PLEKHG4B: variants seen among roughly 807,000 people sequenced by gnomAD.
The protein encoded by PLEKHG4B is pleckstrin homology and RhoGEF domain containing G4B.
In PLEKHG4B, 111 loss-of-function variants were observed where a neutral mutation model predicts 121.3. That is an observed-to-expected ratio of 0.92 (90% CI 0.78 to 1.07). PLEKHG4B has a LOEUF of 1.07. Among genes scored for constraint, PLEKHG4B ranks in the 50% least tolerant of loss-of-function variants. The pLI is 0.00. For missense variants in PLEKHG4B, 1,831 were observed against 1,757.8 expected (o/e 1.04, Z -0.74); for synonymous variants, 738 against 725.0 (o/e 1.02, Z -0.29).
intron 1 of PLEKHG4B, among the ~76,000 whole-genome samples, chr5:111,304 GCCT>G (rs1734150371): frequency 1.3e-5 from 2 of 152,234 alleles, no homozygotes; most frequent in African/African-American, 4.8e-5. Flanking sequence ...GGCAGCTCTG[GCCT>G]GGCCCAGGCC....
In PLEKHG4B at chr5:133,941, C is replaced by CACACACACACACATAT. The variant is rs34900477; in HGVS notation, c.244-5541_244-5540insCACACACACACATATA. Among the ~76,000 whole-genome samples the CACACACACACACATAT allele has an allele frequency of 1.1e-3, 165 of 146,344 alleles. 2 individuals are homozygous for CACACACACACACATAT. The highest frequency in any genetic ancestry group is 3.8e-3 in the African/African-American group (149 of 39,168). ...ACACACGCACACACACACACACACA[C>CACACACACACACATAT]ATATATATATGGTGGAATATATATA... On this transcript the variant is annotated intron_variant, in intron 2 of 19. Transcript: ENST00000637938.
chr5:177,331 G>A (rs1318486461), intron 18 of PLEKHG4B, among the ~76,000 whole-genome samples: 1 of 152,156 alleles, frequency 6.6e-6, no homozygotes, highest in Non-Finnish European at 1.5e-5. Flanking sequence ...TCTATTCACA[G>A]TCAGTTCAGT....
At chr5:165,931 C>T (rs1222774024) in intron 13 of PLEKHG4B, among the ~76,000 whole-genome samples, 1 of 16,138 alleles carries the variant, frequency 6.2e-5, no homozygotes, top group African/African-American at 2.1e-4. Context: ...CGGGGCGGGG[C>T]TCACAGTAAT....
intron 18 of PLEKHG4B, among the ~76,000 whole-genome samples, chr5:176,910 C>T (rs952336472): frequency 1.3e-5 from 2 of 152,236 alleles, no homozygotes; most frequent in Non-Finnish European, 2.9e-5. Flanking sequence ...GCTGACCAAC[C>T]TCTGCAGGTA....
At position 121,004 on chromosome 5, in the gene PLEKHG4B, T is replaced by C. The variant is rs1168448580; in HGVS notation, c.243+7556T>C. Among the ~76,000 whole-genome samples, 6 of 152,096 alleles carry C rather than the reference T, an allele frequency of 3.9e-5. No individual in the cohort carries two copies. The East Asian group carries it at 1.2e-3, about 29-fold the overall frequency. ...GCTCACGCCTGTAATCCCAGCACTT[T>C]GGGAGGCTGAGGCAGGCGGATCACG... On this transcript the variant is annotated intron_variant, in intron 2 of 19. Transcript: ENST00000637938.
chr5:123,284 G>C (rs1734523043), intron 2 of PLEKHG4B, among the ~76,000 whole-genome samples: 2 of 151,622 alleles, frequency 1.3e-5, no homozygotes, highest in South Asian at 4.2e-4. Flanking sequence ...CAAAATACTT[G>C]GAAATTATGT....
At chr5:160,946 G>A (rs577049858) in intron 11 of PLEKHG4B, among the ~76,000 whole-genome samples, 45 of 152,260 alleles carry the variant, frequency 3.0e-4, no homozygotes, top group African/African-American at 6.3e-4. Context: ...TACAGACAGC[G>A]TATGTGCTGG....
At chr5:140,856 ACCC>A (rs1331230666) in intron 3 of PLEKHG4B, 140 bp downstream of exon 3, 7 of 313,870 alleles carry the variant, frequency 2.2e-5, no homozygotes, top group African/African-American at 7.4e-5. Flanking sequence ...TCCCCTGCAC[ACCC>A]CCACCCTCTC....
intron 17 of PLEKHG4B, 142 bp downstream of exon 17, chr5:173,209 C>G (rs1338917732): frequency 1.2e-6 from 1 of 804,450 alleles, no homozygotes; most frequent in Admixed American, 2.8e-5. Flanking sequence ...TTGTTTTCTG[C>G]GGTTCTTGGG....
chr5:167,012 T>C (rs532281429), intron 13 of PLEKHG4B, among the ~76,000 whole-genome samples: 30 of 152,226 alleles, frequency 2.0e-4, no homozygotes, highest in South Asian at 6.2e-4. Context: ...TGAGCCCATG[T>C]TTCAGGTTTG....
intron 18 of PLEKHG4B, among the ~76,000 whole-genome samples, chr5:178,493 T>C (rs1301659498): frequency 6.6e-6 from 1 of 152,210 alleles, no homozygotes; most frequent in East Asian, 1.9e-4. Flanking sequence ...AAAATTGTGT[T>C]TTTCAGATTT....
intron 18 of PLEKHG4B, among the ~76,000 whole-genome samples, 156 bp from the exon 19 acceptor site, chr5:181,358 C>T (rs1275764503): frequency 6.6e-6 from 1 of 152,226 alleles, no homozygotes; most frequent in Non-Finnish European, 1.5e-5. Context: ...TGGGAAGCCT[C>T]AGCACCCTGG....
chr5:181,337 G>A (rs920094754), intron 18 of PLEKHG4B, among the ~76,000 whole-genome samples, 177 bp from the exon 19 acceptor site: 4 of 152,094 alleles, frequency 2.6e-5, no homozygotes, highest in East Asian at 1.9e-4. Context: ...CTTTGGTGCC[G>A]AAAACCGGAA....
intron 1 of PLEKHG4B, among the ~76,000 whole-genome samples, chr5:97,992 T>C (rs931435343): frequency 2.6e-5 from 4 of 152,164 alleles, no homozygotes; most frequent in African/African-American, 9.7e-5. Context: ...CTGGTAGGTC[T>C]GAACCATTAT....
Position 182,519 on chromosome 5 carries a change from G to T in PLEKHG4B, c.*196G>T, listed in dbSNP as rs1278836560. On this transcript the variant is annotated 3_prime_UTR_variant, in exon 20 of 20. Transcript: ENST00000637938. ...CATTTTCAAACAAATTTATAATTTT[G>T]TCTTATTTAAAAAACAAACCTTCCA... is the stretch of plus-strand genomic sequence containing the variant. 2 of 613,156 alleles carry T rather than the reference G, an allele frequency of 3.3e-6. No homozygotes were observed. The highest frequency in any genetic ancestry group is 1.8e-5 in the African/African-American group (1 of 54,484). 38.0% of individuals were successfully genotyped at this position (613,156 alleles called of 1,614,324 possible).
rs1259978428 is a variant in PLEKHG4B, at chr5:159,527, G to A, written c.2488-2256G>A. Among the ~76,000 whole-genome samples the A allele has an allele frequency of 6.6e-6, 1 of 151,996 alleles. No homozygotes were observed. The highest frequency in any genetic ancestry group is 1.5e-5 in the Non-Finnish European group (1 of 67,992). Reference sequence around the variant, plus strand: ...CTCTAACTCTATTATTGAGTTTTTTGTTTCTGCTCTTGCTTTTTAACTCCA... The same window carrying A: ...CTCTAACTCTATTATTGAGTTTTTTATTTCTGCTCTTGCTTTTTAACTCCA... On this transcript the variant is annotated intron_variant, in intron 11 of 19. Coordinates refer to ENST00000637938, the MANE Select transcript of PLEKHG4B (RefSeq NM_052909.5). The surrounding 1 kb of genome is among the most constrained non-coding windows in gnomAD (Gnocchi z 5.5).
At position 108,322 on chromosome 5, in the gene PLEKHG4B, C is replaced by T. The variant is rs115735724; in HGVS notation, c.46-4929C>T. On this transcript the variant is annotated intron_variant, in intron 1 of 19. Coordinates refer to ENST00000637938, the MANE Select transcript of PLEKHG4B (RefSeq NM_052909.5). Reference sequence around the variant, plus strand: ...GCACACTCCCTTCCTTCCCCCTTGCCGTCCTTCCTTCCTGGCACCCTGTTG... The same window carrying T: ...GCACACTCCCTTCCTTCCCCCTTGCTGTCCTTCCTTCCTGGCACCCTGTTG... Among the ~76,000 whole-genome samples, 1,028 of 152,366 alleles carry T rather than the reference C, an allele frequency of 6.7e-3. 8 individuals are homozygous for T. The highest frequency in any genetic ancestry group is 0.02 in the African/African-American group (839 of 41,582).
chr5:99,669 G>A (rs389363), intron 1 of PLEKHG4B, among the ~76,000 whole-genome samples: 11,878 of 152,074 alleles, frequency 0.078, 591 homozygotes, highest in East Asian at 0.19. Flanking sequence ...TGTGTCATCT[G>A]AACACAGAAA....
intron 9 of PLEKHG4B, 92 bp downstream of exon 9, chr5:155,535 C>T: frequency 1.0e-6 from 1 of 962,434 alleles, no homozygotes; most frequent in Non-Finnish European, 1.7e-6. Context: ...ATATTTGGTT[C>T]ACTATCATCT....
Sources: allele counts gnomAD v4.1 joint callset (sites outside exome capture counted in the v4.1 genomes callset), GRCh38; gene constraint gnomAD v4.1.1; non-coding constraint Gnocchi (gnomAD v3.1); transcripts MANE v1.5; gene names NCBI Gene and HGNC (gene_info 2026-07-23, HGNC 2026-07-21).